Variants in DENND1B observed in about 807,000 individuals in gnomAD.
DENND1B encodes DENN domain containing 1B, also known as DENN domain-containing protein 1B.
In DENND1B, 59 loss-of-function variants were observed where a neutral mutation model predicts 90.1. The observed-to-expected ratio is 0.65, with a 90% confidence interval of 0.53 to 0.81. The LOEUF (loss-of-function observed/expected upper bound fraction) is 0.81, where lower values mean the gene tolerates loss of function less well. Ranked by LOEUF, DENND1B falls within the 40% of genes least tolerant of loss-of-function variation. The pLI, the probability that DENND1B is intolerant of heterozygous loss-of-function variation, is 0.00. For synonymous variants in DENND1B, 337 were observed against 324.6 expected (o/e 1.04, Z -0.41); for missense variants, 862 against 912.6 (o/e 0.94, Z 0.71).
intron 14 of DENND1B, among the ~76,000 whole-genome samples, chr1:197,594,137 T>C (rs149584506): frequency 6.6e-5 from 10 of 152,222 alleles, no homozygotes; most frequent in African/African-American, 2.2e-4. Flanking sequence ...GCAAGTAAAC[T>C]AGACAAACAA....
intron 5 of DENND1B, among the ~76,000 whole-genome samples, chr1:197,670,850 T>C (rs971795410): frequency 5.3e-5 from 8 of 152,082 alleles, no homozygotes; most frequent in African/African-American, 1.9e-4. Context: ...TTCAAAAAAA[T>C]AACCTACAGT....
chr1:197,571,058 G>A (rs1180723317), intron 15 of DENND1B, among the ~76,000 whole-genome samples: 1 of 99,058 alleles, frequency 1.0e-5, no homozygotes, highest in Non-Finnish European at 2.1e-5. Context: ...AGTAAGAGTT[G>A]ACAATTCTAC....
chr1:197,733,747 T>A (rs971445873), intron 2 of DENND1B, among the ~76,000 whole-genome samples: 1 of 152,188 alleles, frequency 6.6e-6, no homozygotes, highest in African/African-American at 2.4e-5. Flanking sequence ...AACTAAGGTA[T>A]CCTGTTGAGA....
rs1667773504 is a variant in DENND1B at position 197,507,269 on chromosome 1, T to C, written c.*3191A>G. 6.6e-6 allele frequency: 1 copy of C among 150,848 alleles called. No homozygotes were observed. Among genetic ancestry groups the C allele is most frequent in the Non-Finnish European group, 1.5e-5 (1 of 67,408 alleles). 9.3% of individuals were successfully genotyped at this position (150,848 alleles called of 1,614,324 possible). ...TATGTCAGTTATTTTATTTCCCATA[T>C]CCTCAGTTACTGTACCCTGCATATG... On this transcript the variant is annotated 3_prime_UTR_variant, in exon 23 of 23. Transcript: ENST00000620048.
Position 197,745,616 on chromosome 1 carries a change from TTATA to T in DENND1B, c.82+27248_82+27251del, listed in dbSNP as rs60118343. On this transcript the variant is annotated intron_variant, in intron 2 of 22. Coordinates refer to ENST00000620048, the MANE Select transcript of DENND1B (RefSeq NM_001195215.2). ...CTGATAACAGATCACCATATATATATTATATATATATATATATATATATAATATA... is the reference window on the plus strand; with the variant it reads ...CTGATAACAGATCACCATATATATATTATATATATATATATATATAATATA... Among the ~76,000 whole-genome samples, 148 of 71,810 alleles carry T rather than the reference TTATA, an allele frequency of 2.1e-3. 1 individual carries two copies. Among genetic ancestry groups the T allele is most frequent in the African/African-American group, 8.1e-3 (118 of 14,628 alleles). The allele number at this position is 71,810 out of a possible 152,430, so 47.1% of individuals were successfully genotyped here. A position where few individuals can be genotyped will look rare whatever the true frequency, so the allele number is the denominator to read the frequency against.
chr1:197,584,681 G>C (rs1287105537), intron 14 of DENND1B, among the ~76,000 whole-genome samples: 1 of 151,976 alleles, frequency 6.6e-6, no homozygotes, highest in Non-Finnish European at 1.5e-5. Flanking sequence ...TTTTTCAGAG[G>C]GGAGGGGTTG....
Position 197,553,061 on chromosome 1 carries a change from C to T in DENND1B, c.1201G>A (p.Val401Ile), listed in dbSNP as rs1671378073. ...CCTGAAGTGATCTCTTCTTCAAATA[C>T]ATCAGAGAAACCCCTTCCTGCATTT... ...KLNAGRGFSD[V>I]FEEEITSGGF... Residue 401 changes from valine (V) to isoleucine (I), a missense_variant, in exon 16 of 23, where the codon GTA becomes ATA. Transcript: ENST00000620048. The T allele has an allele frequency of 2.6e-6, 4 of 1,563,970 alleles. No individual in the cohort carries two copies. The highest frequency in any genetic ancestry group is 1.7e-4 in the Middle Eastern group (1 of 5,970).
At chr1:197,667,793 C>T (rs1472865525) in intron 5 of DENND1B, among the ~76,000 whole-genome samples, 1 of 152,114 alleles carries the variant, frequency 6.6e-6, no homozygotes, top group Admixed American at 6.5e-5. Flanking sequence ...ATTTCCCATC[C>T]TGCAAACACG....
rs74588483 is a variant in DENND1B at position 197,670,287 on chromosome 1, T to C, written c.296+1750A>G. ...CAATGTATTCAAAGTATTTTAAGAG[T>C]TCAAAACAAAAGGCTCAGACTTTTA... On this transcript the variant is annotated intron_variant, in intron 5 of 22. Transcript: ENST00000620048. 5.6e-3 allele frequency among the ~76,000 whole-genome samples: 857 copies of C among 152,176 alleles called. 9 individuals carry two copies. Among genetic ancestry groups the C allele is most frequent in the African/African-American group, 0.019 (799 of 41,502 alleles).
chr1:197,663,277 A>G (rs1232989465), intron 5 of DENND1B, among the ~76,000 whole-genome samples: 1 of 152,166 alleles, frequency 6.6e-6, no homozygotes, highest in Non-Finnish European at 1.5e-5. Flanking sequence ...GTTATAAACA[A>G]TGCTCTCTTT....
intron 10 of DENND1B, among the ~76,000 whole-genome samples, chr1:197,633,223 G>A (rs1359711496): frequency 6.6e-6 from 1 of 152,174 alleles, no homozygotes; most frequent in African/African-American, 2.4e-5. Flanking sequence ...ATAGTTGTAT[G>A]TTATTAGGTA....
intron 3 of DENND1B, among the ~76,000 whole-genome samples, chr1:197,707,845 C>G (rs1188313127): frequency 6.8e-6 from 1 of 147,470 alleles, no homozygotes. Flanking sequence ...GAGTGCCAGA[C>G]AGTGGGCGCA....
chr1:197,598,162 C>G (rs1675878066), intron 13 of DENND1B, among the ~76,000 whole-genome samples: 1 of 151,650 alleles, frequency 6.6e-6, no homozygotes, highest in Non-Finnish European at 1.5e-5. Context: ...TATATTTCTC[C>G]TTTGCCTCTT....
Position 197,624,788 on chromosome 1 carries a change from A to G in DENND1B, c.673-7029T>C, listed in dbSNP as rs1235179239. On this transcript the variant is annotated intron_variant, in intron 10 of 22. Transcript: ENST00000620048. ...CTTTGAAAAAATTTTAGACGAATGTATAACTAGAATAACCAATACAGAGAA... is the reference window on the plus strand; with the variant it reads ...CTTTGAAAAAATTTTAGACGAATGTGTAACTAGAATAACCAATACAGAGAA... Among the ~76,000 whole-genome samples, 6 of 152,008 alleles carry G rather than the reference A, an allele frequency of 3.9e-5. No homozygotes were observed. The East Asian group carries it at 1.2e-3, about 30-fold the overall frequency.
At chr1:197,623,816 T>C (rs1678394821) in intron 10 of DENND1B, among the ~76,000 whole-genome samples, 1 of 151,624 alleles carries the variant, frequency 6.6e-6, no homozygotes, top group African/African-American at 2.4e-5. Flanking sequence ...CAGTGACATG[T>C]ATCCACCATT....
chr1:197,518,548 C>T (rs1422041841), intron 20 of DENND1B, among the ~76,000 whole-genome samples: 4 of 151,796 alleles, frequency 2.6e-5, no homozygotes, highest in Non-Finnish European at 5.9e-5. Flanking sequence ...TCAGGTAAAC[C>T]ATATGGTGGC....
chr1:197,625,728 T>C (rs1051578969), intron 10 of DENND1B, among the ~76,000 whole-genome samples: 9 of 152,002 alleles, frequency 5.9e-5, no homozygotes, highest in Non-Finnish European at 1.2e-4. Context: ...GCAAATTGGA[T>C]AAAGAGTCAA....
intron 20 of DENND1B, among the ~76,000 whole-genome samples, chr1:197,536,458 C>T (rs1260190499): frequency 3.3e-5 from 5 of 152,100 alleles, no homozygotes; most frequent in African/African-American, 9.6e-5. Flanking sequence ...CTGTTGGCCA[C>T]CAATTGGCTA....
chr1:197,531,314 C>G (rs2125636242), intron 20 of DENND1B, among the ~76,000 whole-genome samples: 1 of 151,976 alleles, frequency 6.6e-6, no homozygotes, highest in South Asian at 2.1e-4. Context: ...TGAAAATTAT[C>G]TAGATTACAA....
Sources: gnomAD v4.1 joint callset for allele counts (sites outside exome capture counted in the v4.1 genomes callset) on GRCh38, gnomAD v4.1.1 for gene constraint, MANE v1.5 for transcripts, NCBI Gene and HGNC (gene_info 2026-07-23, HGNC 2026-07-21) for gene names.